AMDHD2: variants seen among roughly 807,000 people sequenced by gnomAD.
The protein encoded by AMDHD2 is amidohydrolase domain containing 2.
A neutral mutation model predicts 41.8 loss-of-function variants in AMDHD2; 24 were observed. The ratio of observed to expected loss-of-function variants is 0.57; its 90% CI spans 0.42 to 0.81. AMDHD2 has a LOEUF of 0.81. Ranked by LOEUF, AMDHD2 falls within the 30% of genes least tolerant of loss-of-function variation. The probability of loss-of-function intolerance (pLI) is 0.00; values close to 1 mark genes in which losing one functional copy is unlikely to be tolerated. For synonymous variants in AMDHD2, 332 were observed against 255.5 expected, an observed-to-expected ratio of 1.30 and a Z score of -2.85; for missense variants, 540 against 588.5, an observed-to-expected ratio of 0.92 and a Z score of 0.85.
At chr16:2,522,538 G>A (rs989988449) in intron 3 of AMDHD2, among the ~76,000 whole-genome samples, 1 of 152,078 alleles carries the variant, frequency 6.6e-6, no homozygotes, top group South Asian at 2.1e-4. Flanking sequence ...TTAGCTGGGA[G>A]TGGTTGCGCC....
In AMDHD2 at chr16:2,530,580, A is replaced by G; in HGVS notation, c.*1017A>G. 1 of 1,614,140 alleles carries G rather than the reference A, an allele frequency of 6.2e-7. No homozygotes were observed. The highest frequency in any genetic ancestry group is 8.5e-7 in the Non-Finnish European group (1 of 1,180,006). Reference sequence around the variant, plus strand: ...TGGGTGGCTCCCTTCCCCCTTGCTTACAGGTGCTGTCCTGGGCACAGGAGG... The same window carrying G: ...TGGGTGGCTCCCTTCCCCCTTGCTTGCAGGTGCTGTCCTGGGCACAGGAGG... On this transcript the variant is annotated 3_prime_UTR_variant, in exon 11 of 11. Coordinates refer to ENST00000293971, the MANE Select transcript of AMDHD2 (RefSeq NM_001330449.2).
intron 3 of AMDHD2, among the ~76,000 whole-genome samples, chr16:2,523,582 A>C (rs1292280739): frequency 2.6e-5 from 4 of 152,006 alleles, no homozygotes; most frequent in Non-Finnish European, 5.9e-5. Context: ...AGTGTTCACC[A>C]CTCAGTATTA....
intron 3 of AMDHD2, among the ~76,000 whole-genome samples, chr16:2,523,217 C>T (rs1352553165): frequency 6.6e-6 from 1 of 152,058 alleles, no homozygotes; most frequent in Non-Finnish European, 1.5e-5. Flanking sequence ...GAAAATGAAC[C>T]CTGTTAACAG....
chr16:2,528,078 T>C lies in AMDHD2; in HGVS notation c.647T>C (p.Leu216Pro). Residue 216 changes from leucine to proline, a missense_variant, in exon 6 of 11, where the codon CTG becomes CCG. By Grantham distance (98) the Leu-to-Pro change is moderately conservative. Coordinates refer to ENST00000293971, the MANE Select transcript of AMDHD2 (RefSeq NM_001330449.2). ...CCCGCAGGGCACTCAGTGGCTGACC[T>C]GCGGGCGGCAGAGGATGCTGTGTGG... Reference protein sequence around the residue: ...CVSLGHSVADLRAAEDAVWSG... With the variant: ...CVSLGHSVADPRAAEDAVWSG... 6.2e-7 allele frequency: 1 copy of C among 1,613,000 alleles called. No homozygotes were observed. Among genetic ancestry groups the C allele is most frequent in the Non-Finnish European group, 8.5e-7 (1 of 1,179,858 alleles).
At position 2,530,746 on chromosome 16, in the gene AMDHD2, A is replaced by T; in HGVS notation, c.*1183A>T. On this transcript the variant is annotated 3_prime_UTR_variant, in exon 11 of 11. Transcript: ENST00000293971. Reference sequence around the variant, plus strand: ...CCAGGGAAGAACCACCTGCCTGGGCAGGGCCTCGCCTGAGGGAGGGCCTGG... The same window carrying T: ...CCAGGGAAGAACCACCTGCCTGGGCTGGGCCTCGCCTGAGGGAGGGCCTGG... 1.2e-6 allele frequency: 2 copies of T among 1,613,652 alleles called. No individual in the cohort carries two copies. The highest frequency in any genetic ancestry group is 1.7e-6 in the Non-Finnish European group (2 of 1,179,832).
rs1354783456 is a variant in AMDHD2, at chr16:2,527,684, C to A, written c.415+69C>A. 6.4e-7 allele frequency: 1 copy of A among 1,567,622 alleles called. No homozygotes were observed. Among genetic ancestry groups the A allele is most frequent in the African/African-American group, 1.4e-5 (1 of 74,014 alleles). Reference sequence around the variant, plus strand: ...TGCGGGACCTGTTGGCAGCCCCCACCCCTCCAGATGCCCAGCTGGTGGGGA... The same window carrying A: ...TGCGGGACCTGTTGGCAGCCCCCACACCTCCAGATGCCCAGCTGGTGGGGA... On this transcript the variant is annotated intron_variant, in intron 4 of 10. Transcript: ENST00000293971. The surrounding 1 kb of genome is among the most constrained non-coding windows in gnomAD (Gnocchi z 6.1).
intron 3 of AMDHD2, among the ~76,000 whole-genome samples, chr16:2,522,266 TAGAG>T (rs2141900036): frequency 6.6e-6 from 1 of 152,258 alleles, no homozygotes; most frequent in African/African-American, 2.4e-5. Context: ...ACATTTTTTG[TAGAG>T]AAAGTCTCAC....
rs773380131 is a variant in AMDHD2, at chr16:2,531,082, A to T, written c.*1519A>T. 5.7e-6 allele frequency: 9 copies of T among 1,578,372 alleles called. No individual in the cohort carries two copies. The highest frequency in any genetic ancestry group is 6.9e-6 in the Non-Finnish European group (8 of 1,158,188). On this transcript the variant is annotated 3_prime_UTR_variant, in exon 11 of 11. Coordinates refer to ENST00000293971, the MANE Select transcript of AMDHD2 (RefSeq NM_001330449.2). ...GTGCTTGATGTGCCCATCCTCAGCT[A>T]AAACCCAGAGCTGGCATGTTGGTCA...
intron 3 of AMDHD2, among the ~76,000 whole-genome samples, chr16:2,525,987 C>T (rs1459124593): frequency 6.6e-6 from 1 of 152,216 alleles, no homozygotes; most frequent in Admixed American, 6.5e-5. Flanking sequence ...CCCAGTGTTC[C>T]TTTTTCTGCC....
At chr16:2,521,671 T>C (rs183281693) in intron 3 of AMDHD2, among the ~76,000 whole-genome samples, 19 of 152,346 alleles carry the variant, frequency 1.2e-4, no homozygotes, top group African/African-American at 4.6e-4. Flanking sequence ...GGTTAACTTT[T>C]TGCTGTATGT....
At position 2,531,272 on chromosome 16, in the gene AMDHD2, A is replaced by G. The variant is rs1226122610; in HGVS notation, c.*1709A>G. On this transcript the variant is annotated 3_prime_UTR_variant, in exon 11 of 11. Transcript: ENST00000293971. The stretch of plus-strand genomic sequence containing the variant: ...CACAGGGCTAGCCCTGGGTGGTGGG[A>G]GAGGGGCCCAGGGTCAGGGTGAGAG... 1 of 637,992 alleles carries G rather than the reference A, an allele frequency of 1.6e-6. No individual in the cohort carries two copies. The highest frequency in any genetic ancestry group is 1.8e-5 in the African/African-American group (1 of 54,472). 39.5% of individuals were successfully genotyped at this position (637,992 alleles called of 1,614,324 possible).
chr16:2,527,755 C>T lies in AMDHD2; in HGVS notation c.416-18C>T. ...GTGGGGCAGGGACCTGCTGGAGCCACTTGCTCCCTCCTCCCAGGGCTGCAC... is the reference window on the plus strand; with the variant it reads ...GTGGGGCAGGGACCTGCTGGAGCCATTTGCTCCCTCCTCCCAGGGCTGCAC... On this transcript the variant is annotated intron_variant, in intron 4 of 10. Transcript: ENST00000293971. The surrounding 1 kb of genome is among the most constrained non-coding windows in gnomAD (Gnocchi z 6.1). The T allele has an allele frequency of 1.3e-6, 2 of 1,561,224 alleles. No homozygotes were observed. The highest frequency in any genetic ancestry group is 1.7e-6 in the Non-Finnish European group (2 of 1,157,098).
chr16:2,528,513 G>A lies in AMDHD2; in HGVS notation c.924G>A (p.Leu308=), dbSNP rs1008577683. The part of the protein sequence containing the change: ...ALGLGNGRHT[L]GQQEVEVDGL... ...GCCTGGGCAACGGCCGGCACACGCT[G>A]GGACAGCAGGAAGTGGAAGTGGACG... Residue 308 remains leucine, a synonymous_variant, in exon 8 of 11, where the codon CTG becomes CTA. Transcript: ENST00000293971. The A allele has an allele frequency of 1.9e-6, 3 of 1,612,754 alleles. No individual in the cohort carries two copies. Among genetic ancestry groups the A allele is most frequent in the Non-Finnish European group, 2.5e-6 (3 of 1,179,934 alleles).
chr16:2,528,757 G>C, intron 9 of AMDHD2, 39 bp downstream of exon 9: 1 of 1,605,880 alleles, frequency 6.2e-7, no homozygotes, highest in Non-Finnish European at 8.5e-7. Flanking sequence ...GGTGGTCTGT[G>C]AGTGGTGGGT....
At position 2,520,518 on chromosome 16, in the gene AMDHD2, C is replaced by A. The variant is rs1027601786; in HGVS notation, c.60C>A (p.Ile20=). Residue 20 remains isoleucine (I), a synonymous_variant, in exon 1 of 11, where the codon ATC becomes ATA. Transcript: ENST00000293971. ...ARVLQFTNCR[I]LRGGKLLRED... is the part of the protein sequence containing the mutation. ...TGCTCCAGTTCACTAACTGCCGGAT[C>A]CTGCGCGGAGGGAAACTGCTCAGGT... 2.2e-5 allele frequency: 27 copies of A among 1,238,454 alleles called. No individual in the cohort carries two copies. The highest frequency in any genetic ancestry group is 4.2e-5 in the Admixed American group (1 of 24,036). The allele number at this position is 1,238,454 out of a possible 1,614,324, so 76.7% of individuals were successfully genotyped here.
chr16:2,521,406 T>C (rs556588691), intron 3 of AMDHD2, among the ~76,000 whole-genome samples: 2 of 152,158 alleles, frequency 1.3e-5, no homozygotes, highest in Non-Finnish European at 2.9e-5. Context: ...CACTGCACTC[T>C]GGCTGCCTCC....
intron 9 of AMDHD2, 75 bp downstream of exon 9, chr16:2,528,793 G>T: frequency 1.3e-6 from 2 of 1,588,034 alleles, no homozygotes; most frequent in Non-Finnish European, 1.7e-6. Context: ...CCGGGTGCCC[G>T]GACTGTAGCC....
Position 2,529,114 on chromosome 16 carries a change from G to A in AMDHD2, c.1141+19G>A. 1.3e-6 allele frequency: 2 copies of A among 1,530,456 alleles called. No homozygotes were observed. The highest frequency in any genetic ancestry group is 1.8e-6 in the Non-Finnish European group (2 of 1,138,166). 94.8% of individuals were successfully genotyped at this position (1,530,456 alleles called of 1,614,324 possible). ...GACGCAGGTGAGGGCCTGTCGCAGGGTCACCGGGCAGCCTGGCCCTGCCTG... is the reference window on the plus strand; with the variant it reads ...GACGCAGGTGAGGGCCTGTCGCAGGATCACCGGGCAGCCTGGCCCTGCCTG... On this transcript the variant is annotated intron_variant, in intron 10 of 10. Coordinates refer to ENST00000293971, the MANE Select transcript of AMDHD2 (RefSeq NM_001330449.2).
chr16:2,527,644 A>C lies in AMDHD2; in HGVS notation c.415+29A>C. ...AGTGGCTGACCTCCTCCCCGCCCCCACCCTGGGAGGCTCCTGCGGGACCTG... is the reference window on the plus strand; with the variant it reads ...AGTGGCTGACCTCCTCCCCGCCCCCCCCCTGGGAGGCTCCTGCGGGACCTG... On this transcript the variant is annotated intron_variant, in intron 4 of 10. Coordinates refer to ENST00000293971, the MANE Select transcript of AMDHD2 (RefSeq NM_001330449.2). This position sits in a 1 kb window ranked among gnomAD's most constrained non-coding sequence, Gnocchi z 6.1. 1 of 1,596,996 alleles carries C rather than the reference A, an allele frequency of 6.3e-7. No homozygotes were observed. Among genetic ancestry groups the C allele is most frequent in the Non-Finnish European group, 8.5e-7 (1 of 1,172,550 alleles).
Sources: allele counts gnomAD v4.1 joint callset (sites outside exome capture counted in the v4.1 genomes callset), GRCh38; gene constraint gnomAD v4.1.1; non-coding constraint Gnocchi (gnomAD v3.1); transcripts MANE v1.5; gene names NCBI Gene and HGNC (gene_info 2026-07-23, HGNC 2026-07-21).